CHRM3: variants seen among roughly 807,000 people sequenced by gnomAD.
The protein encoded by CHRM3 is muscarinic acetylcholine receptor M3.
A neutral mutation model predicts 41.8 loss-of-function variants in CHRM3; 11 were observed. That is an observed-to-expected ratio of 0.26 (90% confidence interval 0.17 to 0.44). CHRM3 has a LOEUF of 0.44. CHRM3 is among the 20% of genes least tolerant of loss of function. The pLI is 1.00. For missense variants in CHRM3, 571 were observed against 745.4 expected (o/e 0.77, Z 2.72); for synonymous variants, 297 against 301.4 (o/e 0.99, Z 0.15).
intron 1 of CHRM3, among the ~76,000 whole-genome samples, chr1:239,444,292 A>G (rs1297441773): frequency 6.6e-6 from 1 of 152,222 alleles, no homozygotes; most frequent in Non-Finnish European, 1.5e-5. Context: ...ATAAGATCTT[A>G]AAGTGTTAAA....
At chr1:239,738,188 A>G (rs567092815) in intron 5 of CHRM3, among the ~76,000 whole-genome samples, 1 of 152,298 alleles carries the variant, frequency 6.6e-6, no homozygotes, top group South Asian at 2.1e-4. Context: ...ATTTTCTCTA[A>G]TGGTACCTTG....
At chr1:239,859,819 T>TTATATATATATATATATA (rs55700294) in intron 6 of CHRM3, among the ~76,000 whole-genome samples, 94 of 131,378 alleles carry the variant, frequency 7.2e-4, no homozygotes, top group Non-Finnish European at 8.9e-4. Context: ...TCTAAGTGTT[T>TTATATATATATATATATA]TATATATATA....
intron 2 of CHRM3, among the ~76,000 whole-genome samples, chr1:239,544,790 AC>A (rs1405145584): frequency 1.3e-5 from 2 of 152,226 alleles, no homozygotes; most frequent in African/African-American, 4.8e-5. Flanking sequence ...TATATGGGAG[AC>A]AGAGAACCAA....
intron 2 of CHRM3, among the ~76,000 whole-genome samples, chr1:239,522,801 G>T (rs1408196937): frequency 6.6e-6 from 1 of 152,168 alleles, no homozygotes; most frequent in East Asian, 1.9e-4. Context: ...AAACATTCCT[G>T]TACGAGAGTT....
chr1:239,718,025 A>G (rs1310042368), intron 5 of CHRM3, among the ~76,000 whole-genome samples: 1 of 152,024 alleles, frequency 6.6e-6, no homozygotes, highest in Non-Finnish European at 1.5e-5. Context: ...AGTAGCAACT[A>G]CCATATTATT....
intron 2 of CHRM3, among the ~76,000 whole-genome samples, chr1:239,526,160 C>A (rs1669980346): frequency 6.6e-6 from 1 of 152,124 alleles, no homozygotes. Context: ...ACAAACCCTT[C>A]CCTGGCCCTG....
chr1:239,622,012 T>A (rs1668424015), intron 3 of CHRM3, among the ~76,000 whole-genome samples: 1 of 152,128 alleles, frequency 6.6e-6, no homozygotes, highest in East Asian at 1.9e-4. Context: ...CATTCATTTA[T>A]TATTTCAAAA....
chr1:239,641,443 G>A lies in CHRM3; in HGVS notation c.-250+9157G>A, dbSNP rs577240614. On this transcript the variant is annotated intron_variant, in intron 4 of 6. Coordinates refer to ENST00000676153, the MANE Select transcript of CHRM3 (RefSeq NM_001375978.1). ...CTCAGGACTTGCTTTATGAATCTGG[G>A]TGCTCCTGTATTGGGTGCATATATA... is the stretch of plus-strand genomic sequence containing the variant. Among the ~76,000 whole-genome samples, 363 of 147,036 alleles carry A rather than the reference G, an allele frequency of 2.5e-3. 1 individual carries two copies. The highest frequency in any genetic ancestry group is 8.7e-3 in the African/African-American group (344 of 39,506).
chr1:239,772,178 G>T (rs778238403), intron 5 of CHRM3, among the ~76,000 whole-genome samples: 3 of 151,950 alleles, frequency 2.0e-5, no homozygotes, highest in Non-Finnish European at 2.9e-5. Flanking sequence ...TGAGACGGAG[G>T]TTCACTCTGT....
chr1:239,533,958 G>A (rs1242162752), intron 2 of CHRM3, among the ~76,000 whole-genome samples: 1 of 152,046 alleles, frequency 6.6e-6, no homozygotes, highest in Non-Finnish European at 1.5e-5. Context: ...TTGATTCTGA[G>A]GCTGGCTTAG....
At chr1:239,835,939 T>G (rs1386821318) in intron 6 of CHRM3, among the ~76,000 whole-genome samples, 1 of 152,248 alleles carries the variant, frequency 6.6e-6, no homozygotes, top group South Asian at 2.1e-4. Flanking sequence ...AGGATCCAAA[T>G]TGCCAACTTT....
At chr1:239,422,795 T>TAA (rs1036264674) in intron 1 of CHRM3, among the ~76,000 whole-genome samples, 1 of 138,194 alleles carries the variant, frequency 7.2e-6, no homozygotes. Context: ...GACTCTATCT[T>TAA]AAAAAAAACA....
intron 5 of CHRM3, among the ~76,000 whole-genome samples, chr1:239,712,615 C>T (rs983504281): frequency 2.6e-5 from 4 of 152,134 alleles, no homozygotes; most frequent in East Asian, 1.9e-4. Context: ...AGCATAATGC[C>T]GCATTTCCTC....
intron 5 of CHRM3, among the ~76,000 whole-genome samples, chr1:239,717,559 G>T (rs1175571824): frequency 6.6e-6 from 1 of 151,942 alleles, no homozygotes; most frequent in Non-Finnish European, 1.5e-5. Flanking sequence ...GTTACGGATT[G>T]GAGTTAACAT....
intron 1 of CHRM3, among the ~76,000 whole-genome samples, chr1:239,449,755 C>CGT (rs1407053690): frequency 1.5e-3 from 206 of 137,178 alleles, no homozygotes; most frequent in African/African-American, 5.6e-3. Context: ...TGTGTGTGTG[C>CGT]GTGTGTGTGT....
intron 4 of CHRM3, among the ~76,000 whole-genome samples, chr1:239,664,456 T>A (rs1056399366): frequency 3.3e-5 from 5 of 152,222 alleles, no homozygotes; most frequent in Admixed American, 2.6e-4. Flanking sequence ...TTTTTTATTC[T>A]GCAAGATGGA....
intron 6 of CHRM3, among the ~76,000 whole-genome samples, chr1:239,837,608 G>A (rs903201173): frequency 6.6e-6 from 1 of 152,174 alleles, no homozygotes; most frequent in African/African-American, 2.4e-5. Context: ...ACAGCAGTAA[G>A]CACAGCCTAA....
intron 6 of CHRM3, among the ~76,000 whole-genome samples, chr1:239,835,866 C>T (rs1001205925): frequency 3.3e-5 from 5 of 152,218 alleles, no homozygotes; most frequent in African/African-American, 9.7e-5. Context: ...TACTGCATTT[C>T]AGGTTTTAAC....
intron 1 of CHRM3, among the ~76,000 whole-genome samples, chr1:239,402,977 C>T (rs767772326): frequency 2.6e-5 from 4 of 151,844 alleles, no homozygotes; most frequent in Non-Finnish European, 2.9e-5. Context: ...ATTTTTGATG[C>T]GAGATTAGTT....
Sources: gnomAD v4.1 joint callset for allele counts (sites outside exome capture counted in the v4.1 genomes callset) on GRCh38, gnomAD v4.1.1 for gene constraint, MANE v1.5 for transcripts, NCBI Gene and HGNC (gene_info 2026-07-23, HGNC 2026-07-21) for gene names.